The following RBFOX1 variants were observed in gnomAD, a reference collection of about 807,000 sequenced individuals.
RBFOX1 encodes RNA binding protein fox-1 homolog 1.
Under a neutral mutation model 57.7 loss-of-function variants are expected in RBFOX1, and 8 were observed. The observed-to-expected ratio is 0.14, with a 90% confidence interval of 0.08 to 0.25. The LOEUF (loss-of-function observed/expected upper bound fraction) is 0.25. Among genes scored for constraint, RBFOX1 ranks in the 10% least tolerant of loss-of-function variants. The pLI is 1.00. For synonymous variants in RBFOX1, 326 were observed against 222.4 expected (o/e 1.47, Z -4.15); for missense variants, 611 against 548.5 (o/e 1.11, Z -1.14).
At chr16:5,640,043 C>G (rs950779415) in intron 3 of RBFOX1, among the ~76,000 whole-genome samples, 4 of 152,142 alleles carry the variant, frequency 2.6e-5, no homozygotes, top group African/African-American at 9.7e-5. Context: ...TGATAAGGAT[C>G]TTGTGGCTCA....
chr16:6,508,186 T>C (rs531433184), intron 2 of RBFOX1, among the ~76,000 whole-genome samples: 1 of 151,382 alleles, frequency 6.6e-6, no homozygotes, highest in South Asian at 2.1e-4. Context: ...ACACATAGAG[T>C]GAAACAACAC....
chr16:6,773,955 A>G (rs2078898409), intron 3 of RBFOX1: 1 of 985,200 alleles, frequency 1.0e-6, no homozygotes, highest in African/African-American at 1.8e-5. Context: ...GCACACGCAC[A>G]TGGTTCTCAT....
chr16:5,897,424 T>A (rs1283388919), intron 4 of RBFOX1, among the ~76,000 whole-genome samples: 1 of 152,210 alleles, frequency 6.6e-6, no homozygotes, highest in Admixed American at 6.5e-5. Flanking sequence ...CTTACATACT[T>A]AATCTTCAGT....
At chr16:7,428,154 C>G (rs561827768) in intron 4 of RBFOX1, among the ~76,000 whole-genome samples, 1 of 152,190 alleles carries the variant, frequency 6.6e-6, no homozygotes, top group East Asian at 1.9e-4. Flanking sequence ...ATGGATGTAT[C>G]ACGTTGCATG....
intron 7 of RBFOX1, among the ~76,000 whole-genome samples, chr16:7,588,066 C>G (rs943236554): frequency 6.6e-6 from 1 of 152,174 alleles, no homozygotes; most frequent in Non-Finnish European, 1.5e-5. Context: ...GTAATTCCAG[C>G]TACTCGGGAG....
chr16:6,887,945 A>G (rs752550646), intron 3 of RBFOX1, among the ~76,000 whole-genome samples: 1 of 152,096 alleles, frequency 6.6e-6, no homozygotes, highest in African/African-American at 2.4e-5. Flanking sequence ...TATAGGTGTG[A>G]GCCACCACGC....
At chr16:6,651,424 G>A (rs12922663) in intron 2 of RBFOX1, among the ~76,000 whole-genome samples, 2 of 151,868 alleles carry the variant, frequency 1.3e-5, no homozygotes, top group Non-Finnish European at 2.9e-5. Context: ...CCACCATCAT[G>A]TCACACCTGG....
intron 4 of RBFOX1, among the ~76,000 whole-genome samples, chr16:7,075,705 C>G (rs1288459694): frequency 6.6e-6 from 1 of 152,076 alleles, no homozygotes; most frequent in East Asian, 1.9e-4. Flanking sequence ...CTCAGTCTCC[C>G]GAGTAGCTGG....
intron 2 of RBFOX1, among the ~76,000 whole-genome samples, chr16:6,435,425 C>T (rs569942363): frequency 2.0e-5 from 3 of 152,164 alleles, no homozygotes; most frequent in South Asian, 2.1e-4. Flanking sequence ...CTCAGCCTCC[C>T]GAGTAGCTGG....
chr16:6,014,216 G>C (rs773828151), upstream of RBFOX1, among the ~76,000 whole-genome samples: 1 of 150,810 alleles, frequency 6.6e-6, no homozygotes, highest in Non-Finnish European at 1.5e-5. Context: ...CCACATGCTT[G>C]TTGCTTTTGT....
chr16:6,835,340 T>A (rs1482481834), intron 3 of RBFOX1, among the ~76,000 whole-genome samples: 1 of 152,204 alleles, frequency 6.6e-6, no homozygotes, highest in African/African-American at 2.4e-5. Context: ...AGGCATAGAC[T>A]CCTTGATATT....
At chr16:6,752,594 C>T (rs1458001860) in intron 3 of RBFOX1, among the ~76,000 whole-genome samples, 2 of 152,180 alleles carry the variant, frequency 1.3e-5, no homozygotes, top group African/African-American at 4.8e-5. Context: ...TTGTAAACTT[C>T]TTTAAGCTTT....
intron 4 of RBFOX1, among the ~76,000 whole-genome samples, chr16:7,243,615 A>C (rs753728691): frequency 6.6e-6 from 1 of 152,102 alleles, no homozygotes; most frequent in Non-Finnish European, 1.5e-5. Flanking sequence ...TGGCATGATA[A>C]TAGCTCACTA....
intron 3 of RBFOX1, among the ~76,000 whole-genome samples, chr16:6,972,089 T>C (rs1039943826): frequency 6.6e-6 from 1 of 152,196 alleles, no homozygotes; most frequent in African/African-American, 2.4e-5. Flanking sequence ...AGCATTTTTT[T>C]CCCATTGTGC....
chr16:6,257,507 T>C (rs1272967374), intron 1 of RBFOX1, among the ~76,000 whole-genome samples: 1 of 152,114 alleles, frequency 6.6e-6, no homozygotes, highest in African/African-American at 2.4e-5. Context: ...TGTCGTACAG[T>C]TGATTTTGTT....
At chr16:7,218,068 TGTGTGTG>T (rs2092388661) in intron 4 of RBFOX1, among the ~76,000 whole-genome samples, 1 of 124,056 alleles carries the variant, frequency 8.1e-6, no homozygotes, top group African/African-American at 3.4e-5. Context: ...TGTGCGTGTG[TGTGTGTG>T]CGTCTGTGTG....
intron 2 of RBFOX1, among the ~76,000 whole-genome samples, chr16:5,498,717 C>G (rs911396284): frequency 2.0e-5 from 3 of 152,210 alleles, no homozygotes; most frequent in African/African-American, 7.2e-5. Context: ...TCTTATTTCC[C>G]AGCAGAAATT....
At chr16:5,607,142 A>G (rs1183241321) in intron 3 of RBFOX1, among the ~76,000 whole-genome samples, 2 of 152,184 alleles carry the variant, frequency 1.3e-5, no homozygotes, top group Non-Finnish European at 2.9e-5. Context: ...CTCTACGCCC[A>G]GACTCCTGGG....
chr16:6,881,121 GA>G (rs2062849804), intron 3 of RBFOX1, among the ~76,000 whole-genome samples: 1 of 152,128 alleles, frequency 6.6e-6, no homozygotes, highest in African/African-American at 2.4e-5. Context: ...GCTTCTCAGT[GA>G]AGCGCTCCAG....
Sources: gnomAD v4.1 joint callset for allele counts (sites outside exome capture counted in the v4.1 genomes callset) on GRCh38, gnomAD v4.1.1 for gene constraint, MANE v1.5 for transcripts, NCBI Gene and HGNC (gene_info 2026-07-23, HGNC 2026-07-21) for gene names.